PERP: variants seen among roughly 807,000 people sequenced by gnomAD.
PERP encodes the protein p53 apoptosis effector related to PMP22.
PERP carries 11 observed loss-of-function variants against 20.3 expected under a neutral mutation model. That is an observed-to-expected ratio of 0.54 (90% CI 0.34 to 0.90). The LOEUF is 0.90. Among genes scored for constraint, PERP ranks in the 40% least tolerant of loss-of-function variants. The pLI, the probability that PERP is intolerant of heterozygous loss-of-function variation, is 0.02. For synonymous variants in PERP, 101 were observed against 102.0 expected (o/e 0.99, Z 0.06); for missense variants, 224 against 249.4 (o/e 0.90, Z 0.69).
chr6:138,091,970 G>A lies in PERP; in HGVS notation c.*72C>T, dbSNP rs1389101953. 2.3e-5 allele frequency: 33 copies of A among 1,426,680 alleles called. No homozygotes were observed. Among genetic ancestry groups the A allele is most frequent in the Middle Eastern group, 2.3e-4 (1 of 4,286 alleles). The allele number at this position is 1,426,680 out of a possible 1,614,324, so 88.4% of individuals were successfully genotyped here. ...ACTGCCAAAAAATGGGTTCAAAGTC[G>A]CCTGGAGAAACAGTTTCTTCTTCTG... On this transcript the variant is annotated 3_prime_UTR_variant, in exon 3 of 3. Transcript: ENST00000421351.
At chr6:138,095,870 G>T (rs918803582) in intron 2 of PERP, among the ~76,000 whole-genome samples, 5 of 152,184 alleles carry the variant, frequency 3.3e-5, no homozygotes, top group Admixed American at 2.6e-4. Context: ...GCAGATTCCA[G>T]TTCTGGCCCC....
At chr6:138,093,464 C>T (rs1000970636) in intron 2 of PERP, among the ~76,000 whole-genome samples, 1 of 151,978 alleles carries the variant, frequency 6.6e-6, no homozygotes, top group Non-Finnish European at 1.5e-5. Flanking sequence ...CTAAACATTC[C>T]TCTTCTCTTG....
chr6:138,096,706 G>C (rs1035398520), intron 1 of PERP, among the ~76,000 whole-genome samples: 1 of 152,154 alleles, frequency 6.6e-6, no homozygotes, highest in African/African-American at 2.4e-5. Context: ...CTGAGACTCA[G>C]AAATGCCTTT....
chr6:138,101,772 A>T (rs1775777482), intron 1 of PERP, among the ~76,000 whole-genome samples: 1 of 152,142 alleles, frequency 6.6e-6, no homozygotes. Flanking sequence ...CCTGCCTACA[A>T]CTAAATGTAA....
chr6:138,100,425 C>T (rs576507626), intron 1 of PERP, among the ~76,000 whole-genome samples: 2 of 152,222 alleles, frequency 1.3e-5, no homozygotes, highest in African/African-American at 4.8e-5. Flanking sequence ...AGAACTTGTC[C>T]TAAAGCTACA....
chr6:138,092,524 G>A (rs2473093), intron 2 of PERP, among the ~76,000 whole-genome samples: 24,475 of 152,046 alleles, frequency 0.16, 2,395 homozygotes, highest in Non-Finnish European at 0.22. Flanking sequence ...AATCATTGGA[G>A]ATCCATTCTA....
In PERP at chr6:138,107,071, G is replaced by C. The variant is rs1775854590; in HGVS notation, c.214+56C>G. 3 of 1,528,368 alleles carry C rather than the reference G, an allele frequency of 2.0e-6. No homozygotes were observed. The highest frequency in any genetic ancestry group is 2.6e-6 in the Non-Finnish European group (3 of 1,139,880). The allele number at this position is 1,528,368 out of a possible 1,614,324, so 94.7% of individuals were successfully genotyped here. On this transcript the variant is annotated intron_variant, in intron 1 of 2. Transcript: ENST00000421351. This position sits in a 1 kb window ranked among gnomAD's most constrained non-coding sequence, Gnocchi z 4.8. ...CCATCACGCGCGGCGGCTTTTGCAG[G>C]CCGCGGCCCCGAGGGCTTCCTGGAG...
chr6:138,092,863 A>G (rs1436181358), intron 2 of PERP, among the ~76,000 whole-genome samples: 1 of 152,104 alleles, frequency 6.6e-6, no homozygotes, highest in African/African-American at 2.4e-5. Context: ...CGGAAATCTG[A>G]AGAGGAAACA....
At chr6:138,101,883 C>T (rs949933086) in intron 1 of PERP, among the ~76,000 whole-genome samples, 3 of 152,190 alleles carry the variant, frequency 2.0e-5, no homozygotes, top group African/African-American at 7.2e-5. Context: ...AAAGTGCTTA[C>T]CTCCTCCGGG....
chr6:138,089,331 T>G lies in PERP; in HGVS notation c.*2711A>C, dbSNP rs1198695703. 6.6e-6 allele frequency: 1 copy of G among 152,218 alleles called. No homozygotes were observed. Among genetic ancestry groups the G allele is most frequent in the African/African-American group, 2.4e-5 (1 of 41,462 alleles). 9.4% of individuals were successfully genotyped at this position (152,218 alleles called of 1,614,324 possible). On this transcript the variant is annotated 3_prime_UTR_variant, in exon 3 of 3. Coordinates refer to ENST00000421351, the MANE Select transcript of PERP (RefSeq NM_022121.5). ...GACTATATTTTCCATTGTTTTCATT[T>G]CCTTAAAAAAGGAAAGGCTGTTGAA... is the stretch of plus-strand genomic sequence containing the variant.
chr6:138,100,582 A>C (rs1263263955), intron 1 of PERP, among the ~76,000 whole-genome samples: 1 of 147,352 alleles, frequency 6.8e-6, no homozygotes, highest in Admixed American at 6.8e-5. Context: ...GTGTAAGTGT[A>C]TGGGAGAGAG....
intron 1 of PERP, among the ~76,000 whole-genome samples, chr6:138,100,569 T>TGTGTGTGTGTGTAA (rs1394846923): frequency 2.0e-5 from 3 of 152,074 alleles, no homozygotes; most frequent in African/African-American, 7.2e-5. Context: ...TGTGTGTGTG[T>TGTGTGTGTGTGTAA]GTGTGTAAGT....
In PERP at chr6:138,092,381, A is replaced by T; in HGVS notation, c.356-113T>A. 8.4e-6 allele frequency: 8 copies of T among 953,276 alleles called. No homozygotes were observed. In the Middle Eastern group the frequency reaches 1.8e-3, roughly 210 times the overall value. The allele number at this position is 953,276 out of a possible 1,614,324, so 59.1% of individuals were successfully genotyped here. A position where few individuals can be genotyped will look rare whatever the true frequency, so the allele number is the denominator to read the frequency against. On this transcript the variant is annotated intron_variant, in intron 2 of 2. Coordinates refer to ENST00000421351, the MANE Select transcript of PERP (RefSeq NM_022121.5). ...CAAGTTTCTGCCTTGAAATAAGTAT[A>T]AAATCTACCTGGAGGCAGGAGGAAT...
At position 138,107,327 on chromosome 6, in the gene PERP, C is replaced by G. The variant is rs1427441605; in HGVS notation, c.14G>C (p.Gly5Ala). The G allele has an allele frequency of 6.3e-7, 1 of 1,598,200 alleles. No homozygotes were observed. The highest frequency in any genetic ancestry group is 8.5e-7 in the Non-Finnish European group (1 of 1,175,624). The change falls in exon 1 of 3, where the codon GGC (glycine) becomes GCC (alanine). Residue 5 changes from glycine (G) to alanine (A), a missense_variant. Physicochemically the swap from Gly to Ala is moderately conservative, Grantham distance 60. Coordinates refer to ENST00000421351, the MANE Select transcript of PERP (RefSeq NM_022121.5). This position sits in a 1 kb window ranked among gnomAD's most constrained non-coding sequence, Gnocchi z 4.8. ...CCAGCGGCAGCGCTCGCAGGCCAGG[C>G]CGCAGCGGATCATGTTGACGGGCGG... MIRC[G>A]LACERCRWIL... is the part of the protein sequence containing the mutation.
intron 2 of PERP, among the ~76,000 whole-genome samples, chr6:138,094,015 A>G (rs1472501366): frequency 6.6e-6 from 1 of 152,236 alleles, no homozygotes; most frequent in African/African-American, 2.4e-5. Flanking sequence ...TTTCTTTACA[A>G]CAATAACTCT....
chr6:138,095,728 T>C (rs1054348200), intron 2 of PERP, among the ~76,000 whole-genome samples: 3 of 152,194 alleles, frequency 2.0e-5, no homozygotes, highest in Non-Finnish European at 4.4e-5. Context: ...TTTCCAATAA[T>C]TCTTCTCCTA....
At position 138,096,346 on chromosome 6, in the gene PERP, A is replaced by G. The variant is rs1184542709; in HGVS notation, c.355+8T>C. The G allele has an allele frequency of 2.5e-6, 4 of 1,613,672 alleles. No individual in the cohort carries two copies. The African/African-American group carries it at 5.3e-5, about 22-fold the overall frequency. Reference sequence around the variant, plus strand: ...CATAAATGAAGAATTGCTGACACACAGTCTTACCAGCCAAGGCAAGGAGAC... The same window carrying G: ...CATAAATGAAGAATTGCTGACACACGGTCTTACCAGCCAAGGCAAGGAGAC... On this transcript the variant is annotated splice_region_variant and intron_variant, in intron 2 of 2. Coordinates refer to ENST00000421351, the MANE Select transcript of PERP (RefSeq NM_022121.5).
At position 138,089,671 on chromosome 6, in the gene PERP, G is replaced by T. The variant is rs559337954; in HGVS notation, c.*2371C>A. On this transcript the variant is annotated 3_prime_UTR_variant, in exon 3 of 3. Coordinates refer to ENST00000421351, the MANE Select transcript of PERP (RefSeq NM_022121.5). ...CTTCATTACTCTCCAGAATCCTCTG[G>T]AACTTCCCTTCTGTTATGACATAAA... is the stretch of plus-strand genomic sequence containing the variant. 1 of 152,234 alleles carries T rather than the reference G, an allele frequency of 6.6e-6. No individual in the cohort carries two copies. Among genetic ancestry groups the T allele is most frequent in the East Asian group, 1.9e-4 (1 of 5,182 alleles). The allele number at this position is 152,234 out of a possible 1,614,324, so 9.4% of individuals were successfully genotyped here.
intron 2 of PERP, among the ~76,000 whole-genome samples, chr6:138,094,832 T>C (rs1032911274): frequency 3.9e-5 from 6 of 152,218 alleles, no homozygotes; most frequent in African/African-American, 1.4e-4. Flanking sequence ...GTGATTCTCC[T>C]GCCTCAGCCT....
Sources: allele counts gnomAD v4.1 joint callset (sites outside exome capture counted in the v4.1 genomes callset), GRCh38; gene constraint gnomAD v4.1.1; non-coding constraint Gnocchi (gnomAD v3.1); transcripts MANE v1.5; gene names NCBI Gene and HGNC (gene_info 2026-07-23, HGNC 2026-07-21).